KIF26B: variants seen among roughly 807,000 people sequenced by gnomAD.
KIF26B encodes kinesin-like protein KIF26B.
KIF26B carries 63 observed loss-of-function variants against 151.2 expected under a neutral mutation model. That is an observed-to-expected ratio of 0.42 (90% CI 0.34 to 0.51). The LOEUF (loss-of-function observed/expected upper bound fraction) is 0.51, where lower values mean the gene tolerates loss of function less well. Among genes scored for constraint, KIF26B ranks in the 20% least tolerant of loss-of-function variants. KIF26B has a pLI of 0.07. For missense variants in KIF26B, 2,813 were observed against 2,913.6 expected, an observed-to-expected ratio of 0.97 and a Z score of 0.79; for synonymous variants, 1,357 against 1,262.1, an observed-to-expected ratio of 1.08 and a Z score of -1.59.
chr1:245,155,413 G>A lies in KIF26B; in HGVS notation c.-12G>A. On this transcript the variant is annotated 5_prime_UTR_variant, in exon 1 of 15. Transcript: ENST00000407071. ...GTGGAACCTTTAGATACTCTCCTCT[G>A]GAAAAGCCACCATGAATTCGGTAGC... 3 of 1,607,108 alleles carry A rather than the reference G, an allele frequency of 1.9e-6. No individual in the cohort carries two copies. Among genetic ancestry groups the A allele is most frequent in the Non-Finnish European group, 2.6e-6 (3 of 1,176,280 alleles).
chr1:245,672,338 C>A (rs1393588105), intron 10 of KIF26B, among the ~76,000 whole-genome samples: 1 of 152,194 alleles, frequency 6.6e-6, no homozygotes. Context: ...AAGCTTCACG[C>A]TGCTGACTAA....
At chr1:245,408,171 C>T (rs1346240766) in intron 3 of KIF26B, among the ~76,000 whole-genome samples, 2 of 152,082 alleles carry the variant, frequency 1.3e-5, no homozygotes, top group East Asian at 1.9e-4. Context: ...ACTACTCAGT[C>T]TGAATTTGCT....
chr1:245,220,450 A>G (rs1273024151), intron 2 of KIF26B, among the ~76,000 whole-genome samples: 3 of 151,558 alleles, frequency 2.0e-5, no homozygotes, highest in African/African-American at 7.3e-5. Flanking sequence ...TCCGGGGTCC[A>G]GGGTCTTCAC....
At chr1:245,350,053 T>A (rs13375372) in intron 2 of KIF26B, among the ~76,000 whole-genome samples, 7,303 of 149,860 alleles carry the variant, frequency 0.049, 218 homozygotes, top group South Asian at 0.091. Context: ...ATATATATAT[T>A]TTTTTTTCAT....
At chr1:245,413,897 C>T (rs1188946612) in intron 3 of KIF26B, among the ~76,000 whole-genome samples, 1 of 152,196 alleles carries the variant, frequency 6.6e-6, no homozygotes. Context: ...ACCGTGGCTC[C>T]TCCTCCTACT....
chr1:245,590,446 TTAAA>T (rs1020277256), intron 5 of KIF26B, among the ~76,000 whole-genome samples: 1 of 152,234 alleles, frequency 6.6e-6, no homozygotes, highest in East Asian at 1.9e-4. Flanking sequence ...TTCTGTGCTA[TTAAA>T]TATTTTCTCT....
chr1:245,164,176 A>G (rs1467143309), intron 2 of KIF26B, among the ~76,000 whole-genome samples: 1 of 152,178 alleles, frequency 6.6e-6, no homozygotes, highest in Non-Finnish European at 1.5e-5. Context: ...ATATTTTGCC[A>G]AATGTCTTTT....
intron 4 of KIF26B, among the ~76,000 whole-genome samples, chr1:245,520,512 TCATCCATCCATCCATC>T (rs72448876): frequency 1.3e-5 from 2 of 149,580 alleles, no homozygotes; most frequent in Non-Finnish European, 3.0e-5. Context: ...CACAATCTAT[TCATCCATCCATCCATC>T]CATCCATCCA....
chr1:245,590,266 G>C (rs932041334), intron 5 of KIF26B, among the ~76,000 whole-genome samples: 6 of 151,770 alleles, frequency 4.0e-5, no homozygotes, highest in African/African-American at 1.4e-4. Flanking sequence ...GCAGGGTCCC[G>C]GGGTCCCTGG....
At chr1:245,451,489 T>A (rs1659388417) in intron 4 of KIF26B, among the ~76,000 whole-genome samples, 3 of 151,996 alleles carry the variant, frequency 2.0e-5, no homozygotes, top group Admixed American at 6.5e-5. Context: ...AGATTTGCTC[T>A]GAGTTAGTTA....
chr1:245,454,681 A>G (rs1659474014), intron 4 of KIF26B, among the ~76,000 whole-genome samples: 1 of 152,206 alleles, frequency 6.6e-6, no homozygotes, highest in African/African-American at 2.4e-5. Context: ...GGAGGCCTCA[A>G]TGGAAAGGAT....
At chr1:245,319,483 G>A (rs948713241) in intron 2 of KIF26B, among the ~76,000 whole-genome samples, 3 of 150,630 alleles carry the variant, frequency 2.0e-5, no homozygotes, top group Non-Finnish European at 4.4e-5. Flanking sequence ...TACATCTTTC[G>A]TGCTTGGCAA....
At chr1:245,196,017 C>T (rs909394845) in intron 2 of KIF26B, among the ~76,000 whole-genome samples, 10 of 152,100 alleles carry the variant, frequency 6.6e-5, no homozygotes, top group Admixed American at 2.6e-4. Context: ...AGGTTATCCT[C>T]GAGGTCCTTC....
At chr1:245,585,781 A>G (rs577914400) in intron 5 of KIF26B, among the ~76,000 whole-genome samples, 1 of 152,258 alleles carries the variant, frequency 6.6e-6, no homozygotes, top group Admixed American at 6.5e-5. Context: ...ATAAATATTC[A>G]TTTGTTGGTT....
Position 245,367,564 on chromosome 1 carries a change from C to T in KIF26B, c.999+197C>T, listed in dbSNP as rs1672993039. Among the ~76,000 whole-genome samples the T allele has an allele frequency of 6.6e-6, 1 of 152,244 alleles. No homozygotes were observed. The highest frequency in any genetic ancestry group is 1.5e-5 in the Non-Finnish European group (1 of 68,048). On this transcript the variant is annotated intron_variant, in intron 3 of 14. Coordinates refer to ENST00000407071, the MANE Select transcript of KIF26B (RefSeq NM_018012.4). The surrounding 1 kb of genome is among the most constrained non-coding windows in gnomAD (Gnocchi z 4.2). ...TTTGAGAGGGTGTTGCTACATCTTC[C>T]AAACTTTCCACACCTGCCCTTTCTC...
At position 245,564,417 on chromosome 1, in the gene KIF26B, C is replaced by T. The variant is rs1176035946; in HGVS notation, c.1350+23467C>T. 2.6e-5 allele frequency among the ~76,000 whole-genome samples: 4 copies of T among 152,146 alleles called. No individual in the cohort carries two copies. Among genetic ancestry groups the T allele is most frequent in the African/African-American group, 9.7e-5 (4 of 41,422 alleles). ...ACGGCCGTGTTTGCATTTTCTGAAC[C>T]CAGGATGGTGCCACTGTGGTTTGTT... On this transcript the variant is annotated intron_variant, in intron 5 of 14. Transcript: ENST00000407071. The surrounding 1 kb of genome is among the most constrained non-coding windows in gnomAD (Gnocchi z 4.6).
chr1:245,330,831 G>T, intron 2 of KIF26B, among the ~76,000 whole-genome samples: 1 of 126,592 alleles, frequency 7.9e-6, no homozygotes, highest in African/African-American at 3.5e-5. Flanking sequence ...GTCGGGGAGG[G>T]AGTGGGGGTG....
chr1:245,432,525 C>CCGT (rs1387632473), intron 4 of KIF26B, among the ~76,000 whole-genome samples: 3 of 152,180 alleles, frequency 2.0e-5, no homozygotes, highest in Non-Finnish European at 4.4e-5. Context: ...GTAGGGCTCT[C>CCGT]CATCTTTTTC....
chr1:245,630,955 C>T (rs887311180), intron 9 of KIF26B, among the ~76,000 whole-genome samples: 1 of 151,996 alleles, frequency 6.6e-6, no homozygotes, highest in Non-Finnish European at 1.5e-5. Context: ...CTATTTGTTG[C>T]TGGTGTGTAG....
Sources: allele counts gnomAD v4.1 joint callset (sites outside exome capture counted in the v4.1 genomes callset), GRCh38; gene constraint gnomAD v4.1.1; non-coding constraint Gnocchi (gnomAD v3.1); transcripts MANE v1.5; gene names NCBI Gene and HGNC (gene_info 2026-07-23, HGNC 2026-07-21).